SSH1: variants seen among roughly 807,000 people sequenced by gnomAD.
The protein encoded by SSH1 is protein phosphatase Slingshot homolog 1.
Under a neutral mutation model 79.7 loss-of-function variants are expected in SSH1, and 43 were observed. The observed-to-expected ratio is 0.54, with a 90% confidence interval of 0.42 to 0.70. The LOEUF is 0.70. SSH1 is among the 30% of genes least tolerant of loss of function. SSH1 has a pLI of 0.00. For synonymous variants in SSH1, 599 were observed against 538.3 expected (o/e 1.11, Z -1.56); for missense variants, 1,206 against 1,358.8 (o/e 0.89, Z 1.77).
intron 13 of SSH1, among the ~76,000 whole-genome samples, chr12:108,797,708 C>T (rs1020439019): frequency 3.8e-4 from 58 of 152,240 alleles, no homozygotes; most frequent in African/African-American, 1.3e-3. Flanking sequence ...CAGGGGAGAG[C>T]GACCTTCCCT....
In SSH1 at chr12:108,807,418, A is replaced by ATTTTTTTTT. The variant is rs35206418; in HGVS notation, c.731+206_731+214dup. Among the ~76,000 whole-genome samples the ATTTTTTTTT allele has an allele frequency of 7.0e-6, 1 of 143,450 alleles. No homozygotes were observed. Among genetic ancestry groups the ATTTTTTTTT allele is most frequent in the Non-Finnish European group, 1.5e-5 (1 of 65,552 alleles). 94.1% of individuals were successfully genotyped at this position (143,450 alleles called of 152,430 possible). A position where few individuals can be genotyped will look rare whatever the true frequency, so the allele number is the denominator to read the frequency against. ...AATGCATTCACCAAATTCATCAGTA[A>ATTTTTTTTT]TTTTTTTTTTTTTTTTCTTTTTTTT... On this transcript the variant is annotated intron_variant, in intron 8 of 14. Transcript: ENST00000326495. The surrounding 1 kb of genome is among the most constrained non-coding windows in gnomAD (Gnocchi z 5.2).
At chr12:108,854,925 G>T (rs907311336) in intron 1 of SSH1, among the ~76,000 whole-genome samples, 1 of 152,188 alleles carries the variant, frequency 6.6e-6, no homozygotes, top group Admixed American at 6.5e-5. Context: ...ACATCTGAAC[G>T]AGGGCCTTGC....
intron 2 of SSH1, among the ~76,000 whole-genome samples, chr12:108,840,191 G>GA (rs2038741883): frequency 6.6e-6 from 1 of 151,978 alleles, no homozygotes; most frequent in South Asian, 2.1e-4. Context: ...CACAAAGCAG[G>GA]AGCCCCCGCA....
intron 2 of SSH1, among the ~76,000 whole-genome samples, chr12:108,839,663 T>C (rs1299297796): frequency 6.6e-6 from 1 of 151,552 alleles, no homozygotes; most frequent in Non-Finnish European, 1.5e-5. Flanking sequence ...AAAAATAGCT[T>C]CAAAAGTAAC....
Position 108,807,544 on chromosome 12 carries a change from T to C in SSH1, c.731+89A>G, listed in dbSNP as rs1271806370. ...GGACTCCAGGGGAGGTGTGGCCCAA[T>C]GCAGGTTCAGGGTCGGGCACAGGGC... On this transcript the variant is annotated intron_variant, in intron 8 of 14. Transcript: ENST00000326495. The surrounding 1 kb of genome is among the most constrained non-coding windows in gnomAD (Gnocchi z 5.2). 5 of 1,313,006 alleles carry C rather than the reference T, an allele frequency of 3.8e-6. No homozygotes were observed. Among genetic ancestry groups the C allele is most frequent in the Non-Finnish European group, 5.4e-6 (5 of 918,566 alleles). The allele number at this position is 1,313,006 out of a possible 1,614,324, so 81.3% of individuals were successfully genotyped here. A position where few individuals can be genotyped will look rare whatever the true frequency, so the allele number is the denominator to read the frequency against.
chr12:108,792,098 A>C, intron 14 of SSH1, 188 bp downstream of exon 14: 1 of 1,467,996 alleles, frequency 6.8e-7, no homozygotes, highest in South Asian at 1.4e-5. Context: ...CCACCAGCAG[A>C]ATCACCCTGT....
In SSH1 at chr12:108,784,311, A is replaced by G; in HGVS notation, c.*3677T>C. The G allele has an allele frequency of 6.6e-6, 1 of 152,532 alleles. No homozygotes were observed. The highest frequency in any genetic ancestry group is 1.5e-5 in the Non-Finnish European group (1 of 68,220). The allele number at this position is 152,532 out of a possible 1,614,324, so 9.4% of individuals were successfully genotyped here. On this transcript the variant is annotated 3_prime_UTR_variant, in exon 15 of 15. Coordinates refer to ENST00000326495, the MANE Select transcript of SSH1 (RefSeq NM_018984.4). ...AAACTCTGGACTTCTCCAGGGGAAA[A>G]GGGCTTTAGATTACTGGAATGCTCT... is the stretch of plus-strand genomic sequence containing the variant.
intron 11 of SSH1, 49 bp downstream of exon 11, chr12:108,802,273 T>C (rs761033095): frequency 6.3e-7 from 1 of 1,580,580 alleles, no homozygotes; most frequent in Non-Finnish European, 8.7e-7. Flanking sequence ...GAGTGGAGGG[T>C]TTCTAAGCTG....
intron 7 of SSH1, among the ~76,000 whole-genome samples, chr12:108,808,821 CTTTT>C (rs148110288): frequency 1.4e-4 from 11 of 80,230 alleles, no homozygotes; most frequent in Non-Finnish European, 1.9e-4. Flanking sequence ...TCTTTTACTT[CTTTT>C]TTTTTTTTTT....
At chr12:108,853,616 CA>C (rs1158910074) in intron 1 of SSH1, among the ~76,000 whole-genome samples, 1 of 152,018 alleles carries the variant, frequency 6.6e-6, no homozygotes, top group African/African-American at 2.4e-5. Flanking sequence ...CAGGAGGTGG[CA>C]ACTTCAACCA....
rs186466104 is a variant in SSH1 at position 108,779,322 on chromosome 12, A to G, written c.*8666T>C. 2.0e-5 allele frequency: 3 copies of G among 152,340 alleles called. No individual in the cohort carries two copies. The highest frequency in any genetic ancestry group is 4.8e-5 in the African/African-American group (2 of 41,576). The allele number at this position is 152,340 out of a possible 1,614,324, so 9.4% of individuals were successfully genotyped here. A position where few individuals can be genotyped will look rare whatever the true frequency, so the allele number is the denominator to read the frequency against. ...AAGAAACACACCTTGTGTCACCCCA[A>G]TAGCCTTTGGAGCAAGAAGTGGGTC... On this transcript the variant is annotated 3_prime_UTR_variant, in exon 15 of 15. Coordinates refer to ENST00000326495, the MANE Select transcript of SSH1 (RefSeq NM_018984.4).
At chr12:108,849,852 C>G (rs1364887991) in intron 2 of SSH1, among the ~76,000 whole-genome samples, 17 of 78,578 alleles carry the variant, frequency 2.2e-4, no homozygotes, top group South Asian at 4.7e-4. Context: ...GGGGAGGGGA[C>G]CTCCAAGAGG....
At chr12:108,806,443 G>C (rs750414173) in intron 8 of SSH1, 49 bp from the exon 9 acceptor site, 1 of 1,564,984 alleles carries the variant, frequency 6.4e-7, no homozygotes, top group Admixed American at 1.7e-5. Flanking sequence ...GAAAGCTTGT[G>C]GTCGGAGGTT....
chr12:108,840,297 C>T (rs1006284321), intron 2 of SSH1, among the ~76,000 whole-genome samples: 1 of 151,946 alleles, frequency 6.6e-6, no homozygotes, highest in Admixed American at 6.6e-5. Flanking sequence ...TTTGGGAGGC[C>T]GAGGTGGTTG....
chr12:108,821,361 G>T (rs1409856869), intron 3 of SSH1, among the ~76,000 whole-genome samples: 1 of 151,676 alleles, frequency 6.6e-6, no homozygotes, highest in African/African-American at 2.4e-5. Context: ...GCCACTGCAC[G>T]CCAGCCTGGG....
At chr12:108,799,355 T>G (rs1056503959) in intron 12 of SSH1, among the ~76,000 whole-genome samples, 155 bp from the exon 13 acceptor site, 10 of 152,238 alleles carry the variant, frequency 6.6e-5, no homozygotes, top group Admixed American at 5.2e-4. Flanking sequence ...TACGTCTTAA[T>G]GTTTACGGAG....
chr12:108,854,643 C>T (rs1566023749), intron 1 of SSH1, among the ~76,000 whole-genome samples: 1 of 152,154 alleles, frequency 6.6e-6, no homozygotes, highest in Admixed American at 6.5e-5. Context: ...AGAGTGATGA[C>T]GTGACTTGGG....
In SSH1 at chr12:108,787,833, TCTC is replaced by T. The variant is rs892524865; in HGVS notation, c.*152_*154del. The T allele has an allele frequency of 2.7e-4, 262 of 971,164 alleles. No homozygotes were observed. The highest frequency in any genetic ancestry group is 1.6e-4 in the Admixed American group (7 of 44,206). The allele number at this position is 971,164 out of a possible 1,614,324, so 60.2% of individuals were successfully genotyped here. On this transcript the variant is annotated 3_prime_UTR_variant, in exon 15 of 15. Coordinates refer to ENST00000326495, the MANE Select transcript of SSH1 (RefSeq NM_018984.4). ...TTGTGCTGCATGTTGGTTAGTTTCT[TCTC>T]CTCCTCTCTATGGCAAGAGTAGGGG...
intron 2 of SSH1, among the ~76,000 whole-genome samples, chr12:108,835,276 G>A (rs930527957): frequency 2.6e-5 from 4 of 152,096 alleles, no homozygotes; most frequent in Non-Finnish European, 4.4e-5. Flanking sequence ...TTATACATAC[G>A]GGAACTGAGG....
Sources: allele counts gnomAD v4.1 joint callset (sites outside exome capture counted in the v4.1 genomes callset), GRCh38; gene constraint gnomAD v4.1.1; non-coding constraint Gnocchi (gnomAD v3.1); transcripts MANE v1.5; gene names NCBI Gene and HGNC (gene_info 2026-07-23, HGNC 2026-07-21).